Variants in NRG3 observed in about 807,000 individuals in gnomAD.
NRG3 encodes the protein neuregulin 3, also known as pro-neuregulin-3, membrane-bound isoform.
A neutral mutation model predicts 66.9 loss-of-function variants in NRG3; 31 were observed. The observed-to-expected ratio is 0.46, with a 90% confidence interval of 0.35 to 0.63. NRG3 has a LOEUF of 0.63. NRG3 is among the 20% of genes least tolerant of loss of function. The pLI, the probability that NRG3 is intolerant of heterozygous loss-of-function variation, is 0.00. For missense variants in NRG3, 910 were observed against 878.9 expected (o/e 1.04, Z -0.45); for synonymous variants, 393 against 359.4 (o/e 1.09, Z -1.06).
chr10:81,935,968 G>A lies in NRG3; in HGVS notation c.823+59805G>A, dbSNP rs56772955. Among the ~76,000 whole-genome samples the A allele has an allele frequency of 7.3e-3, 1,114 of 151,720 alleles. 13 individuals carry two copies. The highest frequency in any genetic ancestry group is 0.026 in the African/African-American group (1,059 of 41,276). Reference sequence around the variant, plus strand: ...GGTTAAAATGTCAGCTCTCTGGGGGGAAGGAACTGGTTTGTCTTACCCAGT... The same window carrying A: ...GGTTAAAATGTCAGCTCTCTGGGGGAAAGGAACTGGTTTGTCTTACCCAGT... On this transcript the variant is annotated intron_variant, in intron 1 of 8. Transcript: ENST00000372141.
At chr10:82,689,966 G>A (rs774791645) in intron 2 of NRG3, among the ~76,000 whole-genome samples, 1 of 152,174 alleles carries the variant, frequency 6.6e-6, no homozygotes, top group Non-Finnish European at 1.5e-5. Context: ...TGAGACCTAA[G>A]AGGTTGAATT....
chr10:82,892,886 TA>T (rs950664308), intron 4 of NRG3, among the ~76,000 whole-genome samples: 3 of 151,900 alleles, frequency 2.0e-5, no homozygotes, highest in Admixed American at 6.6e-5. Context: ...ACTAGGAAGA[TA>T]AAAAATTGTG....
At chr10:81,920,125 G>T (rs1846113253) in intron 1 of NRG3, among the ~76,000 whole-genome samples, 3 of 152,096 alleles carry the variant, frequency 2.0e-5, no homozygotes, top group Admixed American at 2.0e-4. Context: ...GTGTAAGGAT[G>T]ACACTATGAG....
intron 2 of NRG3, among the ~76,000 whole-genome samples, chr10:82,597,588 T>C (rs1488287208): frequency 6.6e-6 from 1 of 152,166 alleles, no homozygotes; most frequent in East Asian, 1.9e-4. Context: ...TACTAAACTG[T>C]GCTTCTTTTG....
intron 2 of NRG3, among the ~76,000 whole-genome samples, chr10:82,639,174 A>C (rs1414968739): frequency 6.6e-6 from 1 of 152,180 alleles, no homozygotes; most frequent in African/African-American, 2.4e-5. Flanking sequence ...GGTAATTAAT[A>C]AACAATAGAA....
chr10:82,595,522 A>C (rs2047220092), intron 2 of NRG3, among the ~76,000 whole-genome samples: 1 of 152,324 alleles, frequency 6.6e-6, no homozygotes, highest in Admixed American at 6.5e-5. Flanking sequence ...GCGATGGCCC[A>C]CACCTGTAAT....
At chr10:82,209,743 T>TC (rs1226758176) in intron 1 of NRG3, among the ~76,000 whole-genome samples, 1 of 152,186 alleles carries the variant, frequency 6.6e-6, no homozygotes, top group Non-Finnish European at 1.5e-5. Context: ...GAAAATTTTC[T>TC]CAGATTTCAT....
intron 2 of NRG3, among the ~76,000 whole-genome samples, chr10:82,477,782 C>T (rs888927015): frequency 7.2e-5 from 11 of 152,024 alleles, no homozygotes; most frequent in African/African-American, 1.9e-4. Context: ...AAGGCATAAA[C>T]CGAGGGGACA....
chr10:82,349,951 T>C (rs901140498), intron 1 of NRG3, among the ~76,000 whole-genome samples: 6 of 152,116 alleles, frequency 3.9e-5, no homozygotes, highest in Non-Finnish European at 8.8e-5. Context: ...CCCACTGACC[T>C]GCGCCCACTG....
chr10:82,690,597 G>A (rs1247086503), intron 2 of NRG3, among the ~76,000 whole-genome samples: 1 of 151,972 alleles, frequency 6.6e-6, no homozygotes, highest in African/African-American at 2.4e-5. Context: ...ATTCCATTGA[G>A]GTATAAAAAC....
chr10:82,831,059 G>C (rs1409531193), intron 3 of NRG3, among the ~76,000 whole-genome samples: 2 of 152,140 alleles, frequency 1.3e-5, no homozygotes, highest in Non-Finnish European at 2.9e-5. Flanking sequence ...TCTTGCTCAA[G>C]ACCTATTTAT....
intron 4 of NRG3, among the ~76,000 whole-genome samples, chr10:82,927,272 A>G (rs933161001): frequency 6.6e-6 from 1 of 152,214 alleles, no homozygotes; most frequent in African/African-American, 2.4e-5. Flanking sequence ...TGGCAATTCA[A>G]AAAAATACTT....
At chr10:81,981,058 TG>T (rs1253957019) in intron 1 of NRG3, among the ~76,000 whole-genome samples, 1 of 152,230 alleles carries the variant, frequency 6.6e-6, no homozygotes. Context: ...GTTTGACTTT[TG>T]GATCTCCAAA....
At chr10:82,654,611 G>A (rs183889572) in intron 2 of NRG3, among the ~76,000 whole-genome samples, 6 of 152,246 alleles carry the variant, frequency 3.9e-5, no homozygotes, top group Admixed American at 2.0e-4. Context: ...ATGCCTGTTC[G>A]AAAGTCTCAT....
chr10:82,168,973 A>G (rs2072333564), intron 1 of NRG3, among the ~76,000 whole-genome samples: 1 of 152,048 alleles, frequency 6.6e-6, no homozygotes, highest in Non-Finnish European at 1.5e-5. Flanking sequence ...GTTGATTCTT[A>G]TACCCTTTGT....
intron 1 of NRG3, among the ~76,000 whole-genome samples, chr10:82,150,855 A>G (rs945236694): frequency 2.6e-5 from 4 of 152,176 alleles, no homozygotes; most frequent in African/African-American, 9.6e-5. Context: ...CCTTTTAAAC[A>G]TTGTTTACAT....
intron 2 of NRG3, among the ~76,000 whole-genome samples, chr10:82,450,280 T>C (rs2136564256): frequency 6.6e-6 from 1 of 152,228 alleles, no homozygotes; most frequent in Admixed American, 6.5e-5. Context: ...TGAGTTATTG[T>C]GGGTGCCTAT....
intron 1 of NRG3, among the ~76,000 whole-genome samples, chr10:82,066,186 A>C (rs1243095321): frequency 6.6e-6 from 1 of 152,198 alleles, no homozygotes; most frequent in African/African-American, 2.4e-5. Context: ...AAAAATAACT[A>C]CCATATAAAA....
intron 2 of NRG3, among the ~76,000 whole-genome samples, chr10:82,406,794 G>C (rs1041450297): frequency 6.6e-6 from 1 of 151,894 alleles, no homozygotes; most frequent in African/African-American, 2.4e-5. Context: ...TTAGAAACTA[G>C]GTCTTTTGTA....
Sources: allele counts gnomAD v4.1 joint callset (sites outside exome capture counted in the v4.1 genomes callset), GRCh38; gene constraint gnomAD v4.1.1; transcripts MANE v1.5; gene names NCBI Gene and HGNC (gene_info 2026-07-23, HGNC 2026-07-21).